Variants in CFAP95 observed in about 807,000 individuals in gnomAD.
The protein encoded by CFAP95 is cilia- and flagella-associated protein 95.
chr9:69,840,291 T>C, the CFAP95 span, among the ~76,000 whole-genome samples: 1 of 152,204 alleles, frequency 6.6e-6, no homozygotes, highest in East Asian at 1.9e-4. Flanking sequence ...ATATGAAATA[T>C]ACATTATTGC....
the CFAP95 span, among the ~76,000 whole-genome samples, chr9:69,850,773 T>C: frequency 6.6e-6 from 1 of 152,186 alleles, no homozygotes; most frequent in Non-Finnish European, 1.5e-5. Context: ...TCTTCTTGCT[T>C]CCTGTCTCCA....
the CFAP95 span, among the ~76,000 whole-genome samples, chr9:69,853,933 T>C: frequency 6.6e-6 from 1 of 152,236 alleles, no homozygotes; most frequent in African/African-American, 2.4e-5. Flanking sequence ...GGACTTTCCC[T>C]GGAAGTTCTT....
chr9:69,826,191 C>A, the CFAP95 span, among the ~76,000 whole-genome samples: 1 of 152,310 alleles, frequency 6.6e-6, no homozygotes, highest in African/African-American at 2.4e-5. Flanking sequence ...TCCCCCCACC[C>A]TACTGCACTG....
chr9:69,883,823 A>T, the CFAP95 span, among the ~76,000 whole-genome samples: 318 of 17,706 alleles, frequency 0.018, 3 homozygotes, highest in Admixed American at 0.067. Flanking sequence ...TTATTTTTTT[A>T]AAAAAAAACA....
At chr9:69,834,335 G>T in the CFAP95 span, among the ~76,000 whole-genome samples, 1 of 152,194 alleles carries the variant, frequency 6.6e-6, no homozygotes, top group East Asian at 1.9e-4. Context: ...AGACCCAGTT[G>T]TCTAACCATA....
the CFAP95 span, among the ~76,000 whole-genome samples, chr9:69,854,271 TTG>T: frequency 6.6e-6 from 1 of 152,314 alleles, no homozygotes; most frequent in Non-Finnish European, 1.5e-5. Context: ...AATTGTAGAG[TTG>T]TCACAAGCAT....
At chr9:69,867,685 T>C in the CFAP95 span, among the ~76,000 whole-genome samples, 2 of 152,280 alleles carry the variant, frequency 1.3e-5, no homozygotes, top group Admixed American at 6.5e-5. Flanking sequence ...TTAAGAAAAA[T>C]AGTAGTTTCT....
chr9:69,822,727 C>T, the CFAP95 span, among the ~76,000 whole-genome samples: 5 of 152,260 alleles, frequency 3.3e-5, no homozygotes, highest in East Asian at 9.6e-4. Flanking sequence ...CAGAAGAACA[C>T]AAATGAGAAG....
the CFAP95 span, among the ~76,000 whole-genome samples, chr9:69,871,214 T>C: frequency 6.6e-6 from 1 of 151,546 alleles, no homozygotes; most frequent in African/African-American, 2.4e-5. Flanking sequence ...GGAGACTCTG[T>C]CTCAAATAAA....
the CFAP95 span, among the ~76,000 whole-genome samples, chr9:69,882,557 C>G: frequency 6.6e-6 from 1 of 152,136 alleles, no homozygotes; most frequent in Admixed American, 6.5e-5. Context: ...AGTTTTTCTG[C>G]ATTCAGTATG....
chr9:69,824,493 C>T, the CFAP95 span, among the ~76,000 whole-genome samples: 129 of 152,132 alleles, frequency 8.5e-4, no homozygotes, highest in African/African-American at 2.7e-3. Context: ...AAGCAAGCAA[C>T]GCTCTGCCTT....
chr9:69,821,255 AAG>A, the CFAP95 span, among the ~76,000 whole-genome samples: 1 of 152,168 alleles, frequency 6.6e-6, no homozygotes, highest in Non-Finnish European at 1.5e-5. Flanking sequence ...GAAGGAGGAA[AAG>A]AGAGAAAAGA....
chr9:69,830,916 T>A, the CFAP95 span, among the ~76,000 whole-genome samples: 3 of 152,188 alleles, frequency 2.0e-5, no homozygotes, highest in Non-Finnish European at 4.4e-5. Context: ...AACCTTGGCC[T>A]CCCAAAGTAC....
chr9:69,888,474 A>G, the CFAP95 span, among the ~76,000 whole-genome samples: 26 of 152,220 alleles, frequency 1.7e-4, no homozygotes, highest in South Asian at 2.1e-4. Flanking sequence ...AAATATAATC[A>G]ACTAACTAGT....
chr9:69,841,792 A>C, the CFAP95 span, among the ~76,000 whole-genome samples: 2 of 152,292 alleles, frequency 1.3e-5, no homozygotes, highest in East Asian at 3.9e-4. Context: ...GAGCTTGTGT[A>C]GGGGAACTCT....
chr9:69,875,323 G>A, the CFAP95 span, among the ~76,000 whole-genome samples: 1 of 151,984 alleles, frequency 6.6e-6, no homozygotes, highest in African/African-American at 2.4e-5. Context: ...GTTCCACAAT[G>A]CCTTTTTAGA....
chr9:69,821,390 A>C, the CFAP95 span, among the ~76,000 whole-genome samples: 3 of 152,144 alleles, frequency 2.0e-5, no homozygotes, highest in African/African-American at 7.2e-5. Flanking sequence ...TGGGCCACGC[A>C]GCAGCCAAAT....
At chr9:69,845,896 A>C in the CFAP95 span, among the ~76,000 whole-genome samples, 1 of 151,976 alleles carries the variant, frequency 6.6e-6, no homozygotes, top group South Asian at 2.1e-4. Context: ...TTCCCTTTGC[A>C]CCAGGCTGCC....
chr9:69,849,032 A>C, the CFAP95 span, among the ~76,000 whole-genome samples: 1 of 152,242 alleles, frequency 6.6e-6, no homozygotes, highest in Non-Finnish European at 1.5e-5. Flanking sequence ...TCAATAAGCC[A>C]GTTGCCCTTT....
Sources: allele counts gnomAD v4.1 joint callset (sites outside exome capture counted in the v4.1 genomes callset), GRCh38; gene constraint gnomAD v4.1.1; transcripts MANE v1.5; gene names NCBI Gene and HGNC (gene_info 2026-07-23, HGNC 2026-07-21).